SEMA6A: variants seen among roughly 807,000 people sequenced by gnomAD.
The protein encoded by SEMA6A is semaphorin-6A.
SEMA6A carries 25 observed loss-of-function variants against 96.8 expected under a neutral mutation model. The ratio of observed to expected loss-of-function variants is 0.26; its 90% CI spans 0.19 to 0.36. The LOEUF is 0.36. Among genes scored for constraint, SEMA6A ranks in the 10% least tolerant of loss-of-function variants. The pLI is 1.00. For synonymous variants in SEMA6A, 612 were observed against 518.0 expected (o/e 1.18, Z -2.46); for missense variants, 1,363 against 1,323.1 (o/e 1.03, Z -0.47).
chr5:116,482,407 T>A (rs1172728989), intron 11 of SEMA6A, 37 bp downstream of exon 11: 1 of 1,598,952 alleles, frequency 6.3e-7, no homozygotes, highest in Non-Finnish European at 8.5e-7. Context: ...TTGCCATTTC[T>A]AAAGTTTAAA....
At chr5:116,527,513 A>G (rs1001273329) in intron 1 of SEMA6A, among the ~76,000 whole-genome samples, 10 of 152,208 alleles carry the variant, frequency 6.6e-5, no homozygotes, top group Non-Finnish European at 1.5e-4. Flanking sequence ...CCAATAAGCC[A>G]TGAAAAGTTG....
chr5:116,495,342 T>A, intron 6 of SEMA6A, 71 bp downstream of exon 6: 4 of 1,119,208 alleles, frequency 3.6e-6, no homozygotes, highest in Non-Finnish European at 5.3e-6. Context: ...CTTAGGTTGC[T>A]GCAGGTACAA....
chr5:116,466,645 G>C (rs1755775874), intron 18 of SEMA6A, among the ~76,000 whole-genome samples: 1 of 152,140 alleles, frequency 6.6e-6, no homozygotes, highest in Non-Finnish European at 1.5e-5. Context: ...ACACTCTGGG[G>C]GAGGGTGCAA....
At chr5:116,471,872 C>A (rs1222165420) in intron 17 of SEMA6A, among the ~76,000 whole-genome samples, 5 of 152,136 alleles carry the variant, frequency 3.3e-5, no homozygotes, top group East Asian at 1.9e-4. Context: ...GGATCATAAA[C>A]CTGCATTGCT....
At chr5:116,481,676 T>C (rs1756780034) in intron 11 of SEMA6A, among the ~76,000 whole-genome samples, 1 of 151,908 alleles carries the variant, frequency 6.6e-6, no homozygotes, top group East Asian at 1.9e-4. Context: ...AAACTTGGAG[T>C]GCAAATGCTG....
chr5:116,495,316 G>C (rs1757539133), intron 6 of SEMA6A, 97 bp downstream of exon 6: 9 of 808,356 alleles, frequency 1.1e-5, no homozygotes. Context: ...AACTCAGGTG[G>C]TGTTGAATTA....
intron 1 of SEMA6A, among the ~76,000 whole-genome samples, chr5:116,568,664 A>G (rs1047029399): frequency 1.3e-5 from 2 of 152,214 alleles, no homozygotes; most frequent in African/African-American, 4.8e-5. Flanking sequence ...AGCTACAACC[A>G]GGTGTCTCAC....
intron 11 of SEMA6A, among the ~76,000 whole-genome samples, chr5:116,481,064 C>G (rs2112697312): frequency 6.6e-6 from 1 of 152,290 alleles, no homozygotes; most frequent in African/African-American, 2.4e-5. Flanking sequence ...GCATGAACCA[C>G]TCCTATGTCC....
chr5:116,509,215 G>A (rs1274754695), intron 1 of SEMA6A, among the ~76,000 whole-genome samples: 5 of 152,136 alleles, frequency 3.3e-5, no homozygotes, highest in East Asian at 3.8e-4. Flanking sequence ...TGATAGTGAC[G>A]TGAAAAATAA....
At chr5:116,466,756 G>C (rs1192701678) in intron 18 of SEMA6A, among the ~76,000 whole-genome samples, 2 of 152,172 alleles carry the variant, frequency 1.3e-5, no homozygotes, top group African/African-American at 4.8e-5. Flanking sequence ...AAACAATTCT[G>C]AATGGGGAGA....
At chr5:116,532,747 G>T (rs150845609) in intron 1 of SEMA6A, among the ~76,000 whole-genome samples, 85 of 151,902 alleles carry the variant, frequency 5.6e-4, no homozygotes, top group African/African-American at 2.0e-3. Flanking sequence ...AAGACTTATC[G>T]GTACTGGAAA....
At chr5:116,474,599 C>T (rs564533170) in intron 16 of SEMA6A, among the ~76,000 whole-genome samples, 3 of 152,120 alleles carry the variant, frequency 2.0e-5, no homozygotes, top group Admixed American at 6.5e-5. Context: ...TAACTAATCT[C>T]TAAAAAAGAT....
At chr5:116,522,753 C>G (rs540206813) in intron 1 of SEMA6A, among the ~76,000 whole-genome samples, 1 of 152,084 alleles carries the variant, frequency 6.6e-6, no homozygotes, top group Admixed American at 6.5e-5. Context: ...TCTATCTGCA[C>G]GTTGATTTCT....
intron 18 of SEMA6A, chr5:116,449,241 T>G: frequency 2.9e-6 from 2 of 697,618 alleles, no homozygotes; most frequent in Non-Finnish European, 2.6e-6. Context: ...CATGAATACA[T>G]TAGAGGCACT....
intron 1 of SEMA6A, among the ~76,000 whole-genome samples, chr5:116,557,417 G>T (rs949003127): frequency 6.6e-6 from 1 of 152,174 alleles, no homozygotes; most frequent in African/African-American, 2.4e-5. Flanking sequence ...TTGCCATGTT[G>T]CCCAGGCTTG....
Position 116,491,736 on chromosome 5 carries a change from T to A in SEMA6A, c.535+4A>T, listed in dbSNP as rs769994100. The A allele has an allele frequency of 1.2e-6, 2 of 1,612,204 alleles. No individual in the cohort carries two copies. The highest frequency in any genetic ancestry group is 1.7e-6 in the Non-Finnish European group (2 of 1,178,386). Reference sequence around the variant, plus strand: ...GTGCAACGAGGAGAAATCAGGTCGCTTACCTGCAAACAGTGCAACGTTGGC... The same window carrying A: ...GTGCAACGAGGAGAAATCAGGTCGCATACCTGCAAACAGTGCAACGTTGGC... On this transcript the variant is annotated splice_donor_region_variant and intron_variant, in intron 7 of 18. Transcript: ENST00000343348.
At chr5:116,546,018 G>A (rs1760171653) in intron 1 of SEMA6A, among the ~76,000 whole-genome samples, 1 of 152,234 alleles carries the variant, frequency 6.6e-6, no homozygotes, top group Admixed American at 6.5e-5. Context: ...GAAACAAGAT[G>A]CTTCAGTAAA....
chr5:116,496,359 C>T lies in SEMA6A; in HGVS notation c.280-46G>A, dbSNP rs771993658. 1.6e-5 allele frequency: 25 copies of T among 1,570,606 alleles called. No individual in the cohort carries two copies. The Admixed American group carries it at 1.9e-4, about 12-fold the overall frequency. ...ATCAATTAGAGCCCAGAGGTTGTTGCGTTTGATTTTAGAAGTAAGAGTTCC... is the reference window on the plus strand; with the variant it reads ...ATCAATTAGAGCCCAGAGGTTGTTGTGTTTGATTTTAGAAGTAAGAGTTCC... On this transcript the variant is annotated intron_variant, in intron 4 of 18. Transcript: ENST00000343348.
chr5:116,510,216 A>G (rs928394682), intron 1 of SEMA6A, among the ~76,000 whole-genome samples: 1 of 152,196 alleles, frequency 6.6e-6, no homozygotes, highest in Non-Finnish European at 1.5e-5. Flanking sequence ...CACAGAGAAC[A>G]CTGTTGTTAC....
Sources: allele counts gnomAD v4.1 joint callset (sites outside exome capture counted in the v4.1 genomes callset), GRCh38; gene constraint gnomAD v4.1.1; transcripts MANE v1.5; gene names NCBI Gene and HGNC (gene_info 2026-07-23, HGNC 2026-07-21).